Variants in ZNF385D observed in about 807,000 individuals in gnomAD.
ZNF385D encodes the protein zinc finger protein 659.
A neutral mutation model predicts 35.8 loss-of-function variants in ZNF385D; 15 were observed. The ratio of observed to expected loss-of-function variants is 0.42; its 90% confidence interval spans 0.28 to 0.64. ZNF385D has a LOEUF of 0.64. ZNF385D is among the 30% of genes least tolerant of loss of function. The pLI, the probability that ZNF385D is intolerant of heterozygous loss-of-function variation, is 0.23. For missense variants in ZNF385D, 474 were observed against 494.6 expected (o/e 0.96, Z 0.39); for synonymous variants, 212 against 186.8 (o/e 1.13, Z -1.10).
intron 2 of ZNF385D, among the ~76,000 whole-genome samples, chr3:22,216,356 G>C (rs1697884686): frequency 6.6e-6 from 1 of 151,970 alleles, no homozygotes; most frequent in Admixed American, 6.6e-5. Flanking sequence ...TACCATTATG[G>C]ATAAATTGCT....
chr3:21,420,355 T>C lies in ZNF385D; in HGVS notation c.*859A>G, dbSNP rs1477961045. 6.6e-6 allele frequency: 1 copy of C among 152,246 alleles called. No individual in the cohort carries two copies. The highest frequency in any genetic ancestry group is 2.4e-5 in the African/African-American group (1 of 41,464). 9.4% of individuals were successfully genotyped at this position (152,246 alleles called of 1,614,324 possible). The stretch of plus-strand genomic sequence containing the variant: ...GTATTGATTTCTTTCTTAACACTCA[T>C]GATGCATGGGTTTCTCTGCTTTCAG... On this transcript the variant is annotated 3_prime_UTR_variant, in exon 8 of 8. Transcript: ENST00000281523.
chr3:21,666,068 CACTT>C (rs1205839721), intron 1 of ZNF385D, among the ~76,000 whole-genome samples: 2 of 152,144 alleles, frequency 1.3e-5, no homozygotes, highest in Non-Finnish European at 2.9e-5. Flanking sequence ...ATGCTTGCGC[CACTT>C]ACTTGCCTGC....
chr3:21,775,157 C>G (rs761198667), intron 3 of ZNF385D, among the ~76,000 whole-genome samples: 1 of 151,836 alleles, frequency 6.6e-6, no homozygotes, highest in Non-Finnish European at 1.5e-5. Flanking sequence ...CTGTAAAGTA[C>G]TCATGGAAAA....
At chr3:21,698,084 T>C (rs980397362) in intron 1 of ZNF385D, among the ~76,000 whole-genome samples, 4 of 152,146 alleles carry the variant, frequency 2.6e-5, no homozygotes, top group African/African-American at 9.6e-5. Flanking sequence ...AACCCATTAA[T>C]CCCACTACTT....
chr3:22,090,568 C>A (rs1230473417), intron 3 of ZNF385D, among the ~76,000 whole-genome samples: 1 of 152,000 alleles, frequency 6.6e-6, no homozygotes, highest in Non-Finnish European at 1.5e-5. Context: ...ACCATGAGAA[C>A]CATAAAAGAA....
At chr3:22,167,452 T>C (rs761138099) in intron 3 of ZNF385D, among the ~76,000 whole-genome samples, 6 of 152,182 alleles carry the variant, frequency 3.9e-5, no homozygotes, top group Admixed American at 1.3e-4. Flanking sequence ...GTTCCATTGC[T>C]CAATAAATTA....
At chr3:21,795,699 T>C (rs10212456) in intron 3 of ZNF385D, among the ~76,000 whole-genome samples, 2,548 of 152,224 alleles carry the variant, frequency 0.017, 82 homozygotes, top group African/African-American at 0.058. Context: ...ACTCAGTGAA[T>C]TTGTGGGAAG....
At chr3:21,614,028 C>T (rs1052791893) in intron 2 of ZNF385D, among the ~76,000 whole-genome samples, 3 of 152,144 alleles carry the variant, frequency 2.0e-5, no homozygotes, top group Admixed American at 6.5e-5. Flanking sequence ...CCCCCAAGGA[C>T]CCTAGATGAC....
chr3:21,792,952 T>C (rs976460488), intron 3 of ZNF385D, among the ~76,000 whole-genome samples: 1 of 152,198 alleles, frequency 6.6e-6, no homozygotes. Context: ...ATTAAAGCAA[T>C]GGACCCTCCT....
At chr3:22,065,068 TAAAC>T (rs1381356842) in intron 3 of ZNF385D, among the ~76,000 whole-genome samples, 3 of 152,328 alleles carry the variant, frequency 2.0e-5, no homozygotes, top group South Asian at 2.1e-4. Flanking sequence ...TATAAGTCCT[TAAAC>T]AAATTAGTTA....
chr3:21,527,615 T>C (rs1318804228), intron 3 of ZNF385D, among the ~76,000 whole-genome samples: 3 of 152,158 alleles, frequency 2.0e-5, no homozygotes, highest in African/African-American at 7.2e-5. Context: ...CAGGCTTTCC[T>C]CCACAGATTA....
chr3:21,557,319 T>C (rs1035995223), intron 3 of ZNF385D, among the ~76,000 whole-genome samples: 3 of 152,192 alleles, frequency 2.0e-5, no homozygotes, highest in East Asian at 1.9e-4. Flanking sequence ...ATAGCTCTTA[T>C]TATTTCAAGG....
intron 1 of ZNF385D, among the ~76,000 whole-genome samples, chr3:21,685,005 T>C (rs930077032): frequency 2.0e-5 from 3 of 152,148 alleles, no homozygotes; most frequent in Admixed American, 6.5e-5. Context: ...AGGAAACCAA[T>C]GGGCTCCATA....
intron 3 of ZNF385D, among the ~76,000 whole-genome samples, chr3:22,037,925 A>G (rs1469978512): frequency 2.0e-5 from 3 of 152,172 alleles, no homozygotes; most frequent in Admixed American, 6.5e-5. Flanking sequence ...ATAATGCCAC[A>G]TATCTACAAC....
Position 21,421,311 on chromosome 3 carries a change from G to T in ZNF385D, c.1091C>A (p.Thr364Lys). 6.2e-7 allele frequency: 1 copy of T among 1,614,112 alleles called. No individual in the cohort carries two copies. The highest frequency in any genetic ancestry group is 1.3e-5 in the African/African-American group (1 of 75,048). Residue 364 changes from threonine (T) to lysine (K), a missense_variant, in exon 8 of 8, where the codon ACA becomes AAA. Physicochemically the swap from Thr to Lys is moderately conservative, Grantham distance 78 (BLOSUM62 -1). Transcript: ENST00000281523. ...AGGAAGCGCGGAAGTCTGGAACAGT[G>T]TTGCTGCTGGAGCAGTTCGAAGACT... is the stretch of plus-strand genomic sequence containing the variant. ...PFSLRTAPAA[T>K]LFQTSALPPA...
intron 2 of ZNF385D, among the ~76,000 whole-genome samples, chr3:22,183,796 T>C (rs911122545): frequency 1.3e-5 from 2 of 152,138 alleles, no homozygotes; most frequent in African/African-American, 4.8e-5. Flanking sequence ...ATGGAGGTCT[T>C]AGAACTATTA....
At chr3:21,559,261 G>C (rs55783544) in intron 3 of ZNF385D, among the ~76,000 whole-genome samples, 4 of 151,850 alleles carry the variant, frequency 2.6e-5, no homozygotes, top group African/African-American at 4.8e-5. Flanking sequence ...TCATAGTGTC[G>C]ATGGTCTTTA....
chr3:21,819,812 TATAC>T (rs2073324650), intron 3 of ZNF385D, among the ~76,000 whole-genome samples: 1 of 147,036 alleles, frequency 6.8e-6, no homozygotes, highest in African/African-American at 2.5e-5. Context: ...ATAAATATAA[TATAC>T]ATAAATATGA....
At chr3:21,802,089 G>C (rs534364035) in intron 3 of ZNF385D, among the ~76,000 whole-genome samples, 51 of 152,088 alleles carry the variant, frequency 3.4e-4, no homozygotes, top group Non-Finnish European at 6.9e-4. Flanking sequence ...ACAGACTACA[G>C]AAATGCCTAA....
Sources: gnomAD v4.1 joint callset for allele counts (sites outside exome capture counted in the v4.1 genomes callset) on GRCh38, gnomAD v4.1.1 for gene constraint, MANE v1.5 for transcripts, NCBI Gene and HGNC (gene_info 2026-07-23, HGNC 2026-07-21) for gene names.